Variants in FOCAD observed in about 807,000 individuals in gnomAD.
FOCAD encodes KIAA1797.
In FOCAD, 198 loss-of-function variants were observed where a neutral mutation model predicts 225.6. The ratio of observed to expected loss-of-function variants is 0.88; its 90% CI spans 0.78 to 0.99. FOCAD has a LOEUF of 0.99. Among genes scored for constraint, FOCAD ranks in the 50% least tolerant of loss-of-function variants. The pLI, the probability that FOCAD is intolerant of heterozygous loss-of-function variation, is 0.00. For synonymous variants in FOCAD, 897 were observed against 755.0 expected (o/e 1.19, Z -3.08); for missense variants, 2,713 against 2,123.6 (o/e 1.28, Z -5.46).
intron 4 of FOCAD, among the ~76,000 whole-genome samples, chr9:20,727,326 A>C (rs1168532972): frequency 6.6e-6 from 1 of 152,094 alleles, no homozygotes; most frequent in Non-Finnish European, 1.5e-5. Context: ...CTTTGTCACA[A>C]AATCTTCCAT....
intron 21 of FOCAD, among the ~76,000 whole-genome samples, chr9:20,900,501 C>T (rs117982093): frequency 1.8e-3 from 280 of 151,852 alleles, no homozygotes; most frequent in Non-Finnish European, 2.9e-3. Flanking sequence ...AGTACATATG[C>T]TGTAACCAAT....
chr9:20,847,837 A>G (rs577309845), intron 15 of FOCAD, among the ~76,000 whole-genome samples: 131 of 152,234 alleles, frequency 8.6e-4, no homozygotes, highest in Non-Finnish European at 1.7e-3. Context: ...AGAGAAGACA[A>G]TAATTTTAGA....
rs141316482 is a variant in FOCAD, at chr9:20,993,268, T to G, written c.5272T>G (p.Phe1758Val). 6 of 1,613,958 alleles carry G rather than the reference T, an allele frequency of 3.7e-6. No homozygotes were observed. Among genetic ancestry groups the G allele is most frequent in the Non-Finnish European group, 5.1e-6 (6 of 1,179,838 alleles). The change falls in exon 43 of 44, where the codon TTC (phenylalanine) becomes GTC (valine). Residue 1758 changes from phenylalanine (F) to valine (V), a missense_variant. Physicochemically the swap from Phe to Val is conservative, Grantham distance 50 (BLOSUM62 -1). Transcript: ENST00000338382. ...TTTACCCTAGTTCATTGACTGGCTATTCAGCATCATGGAAAGCCCTAAAGA... is the reference window on the plus strand; with the variant it reads ...TTTACCCTAGTTCATTGACTGGCTAGTCAGCATCATGGAAAGCCCTAAAGA... ...EQTQKFIDWL[F>V]SIMESPKEAL...
intron 4 of FOCAD, among the ~76,000 whole-genome samples, chr9:20,735,209 A>T (rs555151942): frequency 6.6e-6 from 1 of 152,228 alleles, no homozygotes; most frequent in African/African-American, 2.4e-5. Context: ...GTATGCTGTA[A>T]ACATTTTATC....
At position 20,990,008 on chromosome 9, in the gene FOCAD, T is replaced by A. The variant is rs1841505758; in HGVS notation, c.5005-115T>A. ...TGGGTGGGGGTAGGGCAGGAGGGAC[T>A]GGTTGGGTGAAGGGGAAGATGACAT... On this transcript the variant is annotated intron_variant, in intron 41 of 43. Transcript: ENST00000338382. 4 of 1,214,846 alleles carry A rather than the reference T, an allele frequency of 3.3e-6. No individual in the cohort carries two copies. The African/African-American group carries it at 5.9e-5, about 18-fold the overall frequency. 75.3% of individuals were successfully genotyped at this position (1,214,846 alleles called of 1,614,324 possible).
chr9:20,850,702 C>T (rs181313568), intron 15 of FOCAD, among the ~76,000 whole-genome samples: 4 of 151,370 alleles, frequency 2.6e-5, no homozygotes, highest in South Asian at 2.1e-4. Flanking sequence ...ATTTAATTGG[C>T]ACAATTTAAA....
chr9:20,841,703 C>G (rs1587368913), intron 15 of FOCAD, among the ~76,000 whole-genome samples: 2 of 151,702 alleles, frequency 1.3e-5, no homozygotes, highest in East Asian at 3.9e-4. Context: ...TTCAATAAAA[C>G]AACTTTTCAT....
chr9:20,990,042 G>A (rs1163980106), intron 41 of FOCAD, 81 bp from the exon 42 acceptor site: 6 of 1,548,110 alleles, frequency 3.9e-6, no homozygotes, highest in East Asian at 2.3e-5. Context: ...ATTGCCTCAC[G>A]ACAGGGGCTG....
intron 8 of FOCAD, among the ~76,000 whole-genome samples, chr9:20,772,919 C>G (rs923351119): frequency 2.7e-5 from 4 of 150,668 alleles, no homozygotes; most frequent in African/African-American, 9.7e-5. Flanking sequence ...TATAATATAT[C>G]AGGTATAATT....
intron 42 of FOCAD, among the ~76,000 whole-genome samples, chr9:20,992,467 A>G (rs1430243652): frequency 2.0e-5 from 3 of 152,218 alleles, no homozygotes; most frequent in Admixed American, 6.5e-5. Flanking sequence ...ACACAGAACC[A>G]GGTGGGAGGC....
chr9:20,783,179 G>C (rs1376006573), intron 10 of FOCAD, among the ~76,000 whole-genome samples: 3 of 152,066 alleles, frequency 2.0e-5, no homozygotes, highest in Non-Finnish European at 4.4e-5. Flanking sequence ...TAAGTACTTG[G>C]TTTACTATTT....
chr9:20,867,099 A>T, intron 18 of FOCAD, 87 bp downstream of exon 18: 1 of 778,636 alleles, frequency 1.3e-6, no homozygotes, highest in Non-Finnish European at 2.1e-6. Flanking sequence ...TACTTACCTG[A>T]TGAATATATA....
At chr9:20,687,280 A>G (rs1414857834) in intron 1 of FOCAD, among the ~76,000 whole-genome samples, 1 of 152,236 alleles carries the variant, frequency 6.6e-6, no homozygotes, top group Non-Finnish European at 1.5e-5. Context: ...CCGGGGACCA[A>G]TGAAGCATCC....
intron 15 of FOCAD, among the ~76,000 whole-genome samples, chr9:20,840,826 T>C (rs919789474): frequency 7.9e-5 from 12 of 152,018 alleles, no homozygotes; most frequent in African/African-American, 2.9e-4. Flanking sequence ...ATTTCAGCTT[T>C]CCCTCATTTA....
At chr9:20,729,980 G>A (rs1200712347) in intron 4 of FOCAD, among the ~76,000 whole-genome samples, 1 of 152,036 alleles carries the variant, frequency 6.6e-6, no homozygotes, top group African/African-American at 2.4e-5. Flanking sequence ...AATAATAATA[G>A]AAACAACCAC....
Position 20,719,778 on chromosome 9 carries a change from C to CTTTTTTTTT in FOCAD, c.133-586_133-578dup, listed in dbSNP as rs34384301. Among the ~76,000 whole-genome samples the CTTTTTTTTT allele has an allele frequency of 3.9e-4, 24 of 62,128 alleles. 2 individuals are homozygous for CTTTTTTTTT. The highest frequency in any genetic ancestry group is 5.2e-4 in the East Asian group (1 of 1,934). The allele number at this position is 62,128 out of a possible 152,430, so 40.8% of individuals were successfully genotyped here. A position where few individuals can be genotyped will look rare whatever the true frequency, so the allele number is the denominator to read the frequency against. ...TTCTTGGGCAAACAGTTTTCCTAGG[C>CTTTTTTTTT]TTTTTTTTTTTTTTTTTTTTTTTTG... is the stretch of plus-strand genomic sequence containing the variant. On this transcript the variant is annotated intron_variant, in intron 3 of 43. Coordinates refer to ENST00000338382, the MANE Select transcript of FOCAD (RefSeq NM_001375567.1).
chr9:20,953,164 A>G, intron 35 of FOCAD, 99 bp downstream of exon 35: 2 of 926,008 alleles, frequency 2.2e-6, no homozygotes, highest in Non-Finnish European at 3.3e-6. Context: ...CAAGCAATAT[A>G]AATCTGAAGG....
chr9:20,667,169 A>G (rs12350002), intron 2 of FOCAD, among the ~76,000 whole-genome samples: 3,563 of 152,324 alleles, frequency 0.023, 147 homozygotes, highest in African/African-American at 0.082. Context: ...TTATAAAGTC[A>G]CTAAAATCAT....
chr9:20,993,261 C>T lies in FOCAD; in HGVS notation c.5265C>T (p.Asp1755=). Residue 1755 remains aspartate (D), a synonymous_variant, in exon 43 of 44, where the codon GAC becomes GAT. Transcript: ENST00000338382. ...TTTCATTTTTACCCTAGTTCATTGACTGGCTATTCAGCATCATGGAAAGCC... is the reference window on the plus strand; with the variant it reads ...TTTCATTTTTACCCTAGTTCATTGATTGGCTATTCAGCATCATGGAAAGCC... ...PWKEQTQKFI[D]WLFSIMESPK... is the part of the protein sequence containing the mutation. The T allele has an allele frequency of 1.2e-6, 2 of 1,613,562 alleles. No homozygotes were observed. Among genetic ancestry groups the T allele is most frequent in the Non-Finnish European group, 8.5e-7 (1 of 1,179,576 alleles).
Sources: gnomAD v4.1 joint callset for allele counts (sites outside exome capture counted in the v4.1 genomes callset) on GRCh38, gnomAD v4.1.1 for gene constraint, MANE v1.5 for transcripts, NCBI Gene and HGNC (gene_info 2026-07-23, HGNC 2026-07-21) for gene names.